MBOAT2: variants seen among roughly 807,000 people sequenced by gnomAD.
MBOAT2 encodes membrane bound glycerophospholipid O-acyltransferase 2, also known as membrane-bound glycerophospholipid O-acyltransferase 2.
MBOAT2 carries 28 observed loss-of-function variants against 63.4 expected under a neutral mutation model. The observed-to-expected ratio is 0.44, with a 90% confidence interval of 0.33 to 0.61. The LOEUF is 0.61. MBOAT2 is among the 20% of genes least tolerant of loss of function. The probability of loss-of-function intolerance (pLI) is 0.03; values close to 1 mark genes in which losing one functional copy is unlikely to be tolerated. For missense variants in MBOAT2, 470 were observed against 605.8 expected (o/e 0.78, Z 2.35); for synonymous variants, 211 against 215.6 (o/e 0.98, Z 0.19).
intron 1 of MBOAT2, among the ~76,000 whole-genome samples, chr2:8,962,205 C>G (rs953974373): frequency 6.6e-6 from 1 of 152,086 alleles, no homozygotes; most frequent in South Asian, 2.1e-4. Flanking sequence ...CTCCATTTAC[C>G]GAGACTGAAA....
At chr2:8,969,522 T>C (rs1022709366) in intron 1 of MBOAT2, among the ~76,000 whole-genome samples, 2 of 152,110 alleles carry the variant, frequency 1.3e-5, no homozygotes. Context: ...CACATAACAA[T>C]ATTAACTTTA....
At position 8,858,161 on chromosome 2, in the gene MBOAT2, A is replaced by T. The variant is rs1010828872; in HGVS notation, c.*518T>A. 1 of 152,650 alleles carries T rather than the reference A, an allele frequency of 6.6e-6. No homozygotes were observed. The highest frequency in any genetic ancestry group is 2.4e-5 in the African/African-American group (1 of 41,388). 9.5% of individuals were successfully genotyped at this position (152,650 alleles called of 1,614,324 possible). A position where few individuals can be genotyped will look rare whatever the true frequency, so the allele number is the denominator to read the frequency against. Reference sequence around the variant, plus strand: ...TTTATTGCATTTTAAAAATATCCACACTCTTAAATATCCTGTTTCAAATTC... The same window carrying T: ...TTTATTGCATTTTAAAAATATCCACTCTCTTAAATATCCTGTTTCAAATTC... On this transcript the variant is annotated 3_prime_UTR_variant, in exon 13 of 13. Transcript: ENST00000305997.
chr2:8,962,858 CTA>C (rs1669709228), intron 1 of MBOAT2, among the ~76,000 whole-genome samples: 1 of 151,766 alleles, frequency 6.6e-6, no homozygotes, highest in African/African-American at 2.4e-5. Context: ...GAAAAAGAAC[CTA>C]TATACACACA....
intron 5 of MBOAT2, 123 bp from the exon 6 acceptor site, chr2:8,882,688 T>C (rs950439332): frequency 1.6e-5 from 13 of 834,648 alleles, no homozygotes; most frequent in Admixed American, 2.0e-5. Context: ...AATTTTGATA[T>C]AATGACTGTT....
At position 8,862,271 on chromosome 2, in the gene MBOAT2, C is replaced by T. The variant is rs1661547651; in HGVS notation, c.1185+319G>A. Reference sequence around the variant, plus strand: ...GGAAACATTTCTAAAATAAACCTACCCATTCTGATCATCTTTATTTAACTC... The same window carrying T: ...GGAAACATTTCTAAAATAAACCTACTCATTCTGATCATCTTTATTTAACTC... On this transcript the variant is annotated intron_variant, in intron 11 of 12. Transcript: ENST00000305997. The surrounding 1 kb of genome is among the most constrained non-coding windows in gnomAD (Gnocchi z 4.3). 1 of 1,297,166 alleles carries T rather than the reference C, an allele frequency of 7.7e-7. No homozygotes were observed. Among genetic ancestry groups the T allele is most frequent in the Non-Finnish European group, 1.0e-6 (1 of 994,936 alleles). The allele number at this position is 1,297,166 out of a possible 1,614,324, so 80.4% of individuals were successfully genotyped here.
At chr2:8,880,457 G>T (rs549774604) in intron 6 of MBOAT2, among the ~76,000 whole-genome samples, 1 of 152,306 alleles carries the variant, frequency 6.6e-6, no homozygotes, top group African/African-American at 2.4e-5. Context: ...GTTCTGTTTT[G>T]AACATGTTCT....
chr2:8,922,357 T>C (rs1303146475), intron 3 of MBOAT2, among the ~76,000 whole-genome samples: 1 of 152,244 alleles, frequency 6.6e-6, no homozygotes, highest in Admixed American at 6.5e-5. Flanking sequence ...GCAGTTTCAA[T>C]TGACTGCTGT....
chr2:8,869,961 C>T (rs910428323), intron 8 of MBOAT2, among the ~76,000 whole-genome samples: 8 of 152,136 alleles, frequency 5.3e-5, no homozygotes, highest in African/African-American at 9.7e-5. Flanking sequence ...TCAACAGCAA[C>T]GAAACAAGAA....
intron 2 of MBOAT2, among the ~76,000 whole-genome samples, chr2:8,946,683 T>C (rs1013664364): frequency 6.6e-6 from 1 of 152,212 alleles, no homozygotes; most frequent in Non-Finnish European, 1.5e-5. Context: ...GTTATAGTGA[T>C]CTGTGATCAG....
chr2:8,965,513 G>T (rs1669917344), intron 1 of MBOAT2, among the ~76,000 whole-genome samples: 1 of 151,986 alleles, frequency 6.6e-6, no homozygotes. Flanking sequence ...TTTACTAAGG[G>T]TGCTTACACT....
chr2:8,910,284 G>A (rs1432153623), intron 3 of MBOAT2, among the ~76,000 whole-genome samples: 2 of 152,136 alleles, frequency 1.3e-5, no homozygotes, highest in African/African-American at 4.8e-5. Context: ...GACAAGGAAG[G>A]AAGGAAAGAG....
chr2:8,928,043 G>A (rs946882634), intron 3 of MBOAT2, among the ~76,000 whole-genome samples: 3 of 152,036 alleles, frequency 2.0e-5, no homozygotes, highest in Non-Finnish European at 2.9e-5. Flanking sequence ...GTAAGAAAGC[G>A]GTGGGAGGTG....
intron 6 of MBOAT2, among the ~76,000 whole-genome samples, chr2:8,879,054 C>T (rs1040845834): frequency 3.7e-5 from 5 of 134,244 alleles, no homozygotes; most frequent in Non-Finnish European, 6.1e-5. Context: ...CCAGCCTGGG[C>T]GACAGAGCGA....
In MBOAT2 at chr2:8,963,942, A is replaced by G. The variant is rs186903557; in HGVS notation, c.76-5300T>C. Among the ~76,000 whole-genome samples the G allele has an allele frequency of 2.0e-5, 3 of 152,352 alleles. No homozygotes were observed. In the East Asian group the frequency reaches 5.8e-4, roughly 29 times the overall value. On this transcript the variant is annotated intron_variant, in intron 1 of 12. Transcript: ENST00000305997. ...CTTTACAAGAAGGGGTTCATGTAAT[A>G]ATCACAGCCACCTTGCACAACCAGG...
chr2:8,985,145 T>C (rs1671470304), intron 1 of MBOAT2, among the ~76,000 whole-genome samples: 1 of 152,170 alleles, frequency 6.6e-6, no homozygotes, highest in Non-Finnish European at 1.5e-5. Flanking sequence ...GCAAATCAAA[T>C]TCTTCATCTT....
chr2:8,993,581 T>C (rs550598037), intron 1 of MBOAT2, among the ~76,000 whole-genome samples: 1 of 152,076 alleles, frequency 6.6e-6, no homozygotes, highest in Admixed American at 6.5e-5. Flanking sequence ...AGTGCACAGT[T>C]CCCAGGAAAA....
At chr2:8,887,214 C>A (rs1663621879) in intron 5 of MBOAT2, among the ~76,000 whole-genome samples, 1 of 152,190 alleles carries the variant, frequency 6.6e-6, no homozygotes, top group East Asian at 1.9e-4. Context: ...GTTTAACCTG[C>A]AGACTTGATT....
In MBOAT2 at chr2:8,894,938, G is replaced by A. The variant is rs190017519; in HGVS notation, c.396-6865C>T. Among the ~76,000 whole-genome samples, 682 of 151,014 alleles carry A rather than the reference G, an allele frequency of 4.5e-3. 5 individuals carry two copies. The highest frequency in any genetic ancestry group is 0.01 in the Middle Eastern group (3 of 294). On this transcript the variant is annotated intron_variant, in intron 4 of 12. Transcript: ENST00000305997. ...TTCAGGAGTGAAGCTGCAGACCTTC[G>A]TGGTGTTACAGTTCATAAAGGCGGC...
At chr2:8,950,383 C>T (rs1668744919) in intron 2 of MBOAT2, among the ~76,000 whole-genome samples, 1 of 152,112 alleles carries the variant, frequency 6.6e-6, no homozygotes, top group Non-Finnish European at 1.5e-5. Flanking sequence ...GAGTGGGCAT[C>T]CTTCTCTTGT....
Sources: gnomAD v4.1 joint callset for allele counts (sites outside exome capture counted in the v4.1 genomes callset) on GRCh38, gnomAD v4.1.1 for gene constraint, Gnocchi (gnomAD v3.1) non-coding constraint, MANE v1.5 for transcripts, NCBI Gene and HGNC (gene_info 2026-07-23, HGNC 2026-07-21) for gene names.